Variants in CSRNP3 observed in about 807,000 individuals in gnomAD.
The protein encoded by CSRNP3 is cysteine and serine rich nuclear protein 3, also known as cysteine/serine-rich nuclear protein 3.
A neutral mutation model predicts 48.0 loss-of-function variants in CSRNP3; 12 were observed. The ratio of observed to expected loss-of-function variants is 0.25; its 90% CI spans 0.16 to 0.41. The LOEUF is 0.41. Ranked by LOEUF, CSRNP3 falls within the 10% of genes least tolerant of loss-of-function variation. The pLI is 1.00. For missense variants in CSRNP3, 580 were observed against 724.4 expected (o/e 0.80, Z 2.29); for synonymous variants, 263 against 269.7 (o/e 0.98, Z 0.24).
Position 165,685,507 on chromosome 2 carries a change from A to G in CSRNP3, c.*5754A>G, listed in dbSNP as rs1383927913. ...GACCAGATTCAAAGCCTAAAACAATATGTTTCAGTTTACTTTTATATGTAG... is the reference window on the plus strand; with the variant it reads ...GACCAGATTCAAAGCCTAAAACAATGTGTTTCAGTTTACTTTTATATGTAG... On this transcript the variant is annotated 3_prime_UTR_variant, in exon 7 of 7. Transcript: ENST00000651982. The G allele has an allele frequency of 1.3e-5, 2 of 152,044 alleles. No homozygotes were observed. Among genetic ancestry groups the G allele is most frequent in the Non-Finnish European group, 2.9e-5 (2 of 67,986 alleles). 9.4% of individuals were successfully genotyped at this position (152,044 alleles called of 1,614,324 possible).
At chr2:165,650,464 A>T (rs1686886445) in intron 4 of CSRNP3, among the ~76,000 whole-genome samples, 1 of 152,202 alleles carries the variant, frequency 6.6e-6, no homozygotes, top group Non-Finnish European at 1.5e-5. Flanking sequence ...AAATTTACAG[A>T]AGTCATTTGT....
intron 2 of CSRNP3, 98 bp from the exon 3 acceptor site, chr2:165,517,775 T>C (rs1574816295): frequency 6.6e-6 from 1 of 152,408 alleles, no homozygotes; most frequent in Non-Finnish European, 1.5e-5. Flanking sequence ...TTTCTATTGA[T>C]TTTCTCCTAT....
chr2:165,661,241 C>T (rs1325776747), intron 5 of CSRNP3, among the ~76,000 whole-genome samples: 1 of 152,134 alleles, frequency 6.6e-6, no homozygotes, highest in African/African-American at 2.4e-5. Context: ...ATAGATGCCC[C>T]TCAATTTGCA....
At chr2:165,542,635 G>C (rs1482883651) in intron 3 of CSRNP3, among the ~76,000 whole-genome samples, 1 of 151,922 alleles carries the variant, frequency 6.6e-6, no homozygotes. Context: ...TGAATAGTAA[G>C]GTTTTTATAT....
intron 4 of CSRNP3, among the ~76,000 whole-genome samples, chr2:165,609,291 TAAA>T (rs957287917): frequency 1.5e-5 from 2 of 129,460 alleles, no homozygotes; most frequent in East Asian, 4.8e-4. Context: ...CCGTCTCTAC[TAAA>T]AAAAAATACA....
intron 2 of CSRNP3, among the ~76,000 whole-genome samples, chr2:165,508,413 T>A (rs1312665983): frequency 6.6e-6 from 1 of 152,170 alleles, no homozygotes; most frequent in African/African-American, 2.4e-5. Context: ...AATTTTATGT[T>A]AAAAGCATGG....
At chr2:165,534,534 A>G (rs1352177130) in intron 3 of CSRNP3, among the ~76,000 whole-genome samples, 2 of 152,082 alleles carry the variant, frequency 1.3e-5, no homozygotes, top group East Asian at 1.9e-4. Context: ...GGACTCATAC[A>G]GGTGCATAGA....
chr2:165,553,895 T>G (rs1036921760), intron 3 of CSRNP3, among the ~76,000 whole-genome samples: 1 of 152,128 alleles, frequency 6.6e-6, no homozygotes, highest in Non-Finnish European at 1.5e-5. Context: ...AAATGAAAAG[T>G]TTCCTTCCCC....
chr2:165,498,520 A>T (rs1684311155), intron 2 of CSRNP3, among the ~76,000 whole-genome samples: 1 of 152,148 alleles, frequency 6.6e-6, no homozygotes, highest in Non-Finnish European at 1.5e-5. Context: ...TGGAGTAATT[A>T]TATTCAACTT....
intron 4 of CSRNP3, among the ~76,000 whole-genome samples, chr2:165,644,626 C>G (rs780406668): frequency 1.3e-5 from 2 of 152,124 alleles, no homozygotes; most frequent in Non-Finnish European, 2.9e-5. Flanking sequence ...TTATCAGTAT[C>G]GAAGCAAGCA....
chr2:165,633,989 G>A lies in CSRNP3; in HGVS notation c.149-23772G>A, dbSNP rs528246460. 1.4e-4 allele frequency among the ~76,000 whole-genome samples: 22 copies of A among 152,122 alleles called. 1 individual carries two copies. The highest frequency in any genetic ancestry group is 4.1e-4 in the South Asian group (2 of 4,822). On this transcript the variant is annotated intron_variant, in intron 4 of 6. Transcript: ENST00000651982. ...TCATAACACTCCTTATGTCTGTTAC[G>A]CTATTAAACCAATTCATTTATTCTA...
intron 4 of CSRNP3, among the ~76,000 whole-genome samples, chr2:165,605,289 T>C (rs1324896910): frequency 6.6e-6 from 1 of 152,128 alleles, no homozygotes; most frequent in Non-Finnish European, 1.5e-5. Flanking sequence ...TCTTTGAACA[T>C]GACAAATTTC....
intron 2 of CSRNP3, among the ~76,000 whole-genome samples, chr2:165,509,081 C>T (rs1684466167): frequency 6.6e-6 from 1 of 152,062 alleles, no homozygotes; most frequent in South Asian, 2.1e-4. Context: ...CCATAAATAC[C>T]AAGTAATAGG....
chr2:165,557,329 G>A (rs1166979758), intron 3 of CSRNP3, among the ~76,000 whole-genome samples: 1 of 152,200 alleles, frequency 6.6e-6, no homozygotes, highest in Non-Finnish European at 1.5e-5. Context: ...TTGAGTACTT[G>A]TGACGGCAAC....
intron 3 of CSRNP3, among the ~76,000 whole-genome samples, chr2:165,578,650 C>A (rs902661870): frequency 6.6e-6 from 1 of 151,848 alleles, no homozygotes; most frequent in Non-Finnish European, 1.5e-5. Context: ...CTTTAACAAA[C>A]CTGGGTAACT....
Position 165,573,828 on chromosome 2 carries a change from C to G in CSRNP3, c.-23-21215C>G, listed in dbSNP as rs138477604. Among the ~76,000 whole-genome samples the G allele has an allele frequency of 3.1e-3, 472 of 151,964 alleles. 4 individuals are homozygous for G. Among genetic ancestry groups the G allele is most frequent in the African/African-American group, 0.011 (450 of 41,390 alleles). On this transcript the variant is annotated intron_variant, in intron 3 of 6. Coordinates refer to ENST00000651982, the MANE Select transcript of CSRNP3 (RefSeq NM_001172173.2). The stretch of plus-strand genomic sequence containing the variant: ...TACCCCATGTGCCTGATTATACGTG[C>G]AATATGTATTTGAATTTAAAAAAAA...
At chr2:165,668,403 T>TTC (rs1224113471) in intron 5 of CSRNP3, among the ~76,000 whole-genome samples, 43 of 129,860 alleles carry the variant, frequency 3.3e-4, no homozygotes, top group East Asian at 1.5e-3. Flanking sequence ...CTTTCTTTCT[T>TTC]TTTTTTTTTT....
chr2:165,589,722 A>T (rs1040448508), intron 3 of CSRNP3, among the ~76,000 whole-genome samples: 2 of 152,172 alleles, frequency 1.3e-5, no homozygotes, highest in African/African-American at 4.8e-5. Flanking sequence ...TAATTATCTT[A>T]TTATCTCTTC....
At chr2:165,580,864 G>T (rs78924109) in intron 3 of CSRNP3, among the ~76,000 whole-genome samples, 12,613 of 148,874 alleles carry the variant, frequency 0.085, 610 homozygotes, top group African/African-American at 0.13. Flanking sequence ...TGTGTGTTTT[G>T]TTTTTTTTTT....
Sources: gnomAD v4.1 joint callset for allele counts (sites outside exome capture counted in the v4.1 genomes callset) on GRCh38, gnomAD v4.1.1 for gene constraint, MANE v1.5 for transcripts, NCBI Gene and HGNC (gene_info 2026-07-23, HGNC 2026-07-21) for gene names.